Variants in ZBTB7C observed in about 807,000 individuals in gnomAD.
The protein encoded by ZBTB7C is zinc finger and BTB domain containing 7C.
ZBTB7C carries 8 observed loss-of-function variants against 25.7 expected under a neutral mutation model. The observed-to-expected ratio is 0.31, with a 90% CI of 0.18 to 0.56. ZBTB7C has a LOEUF of 0.56. Among genes scored for constraint, ZBTB7C ranks in the 20% least tolerant of loss-of-function variants. The pLI is 0.91. For synonymous variants in ZBTB7C, 394 were observed against 369.0 expected (o/e 1.07, Z -0.78); for missense variants, 824 against 855.2 (o/e 0.96, Z 0.46).
chr18:48,272,025 C>A (rs532916480), intron 2 of ZBTB7C, among the ~76,000 whole-genome samples: 57 of 152,322 alleles, frequency 3.7e-4, no homozygotes, highest in African/African-American at 1.3e-3. Flanking sequence ...TCATTAGTTG[C>A]AAATGATATC....
chr18:48,183,644 C>T (rs1404409349), intron 3 of ZBTB7C, among the ~76,000 whole-genome samples: 2 of 152,310 alleles, frequency 1.3e-5, no homozygotes, highest in Non-Finnish European at 2.9e-5. Context: ...AGAATAAAAG[C>T]AATTGATGCC....
intron 2 of ZBTB7C, among the ~76,000 whole-genome samples, chr18:48,313,032 C>G (rs1165036146): frequency 6.6e-6 from 1 of 152,090 alleles, no homozygotes; most frequent in African/African-American, 2.4e-5. Context: ...GATTATGGAC[C>G]CAAGAAGCTC....
intron 3 of ZBTB7C, among the ~76,000 whole-genome samples, chr18:48,162,825 GA>G: frequency 6.6e-6 from 1 of 152,350 alleles, no homozygotes. Context: ...CAGTAAATAA[GA>G]GACGCAGGAT....
At chr18:48,215,241 T>C (rs947416841) in intron 2 of ZBTB7C, among the ~76,000 whole-genome samples, 1 of 152,184 alleles carries the variant, frequency 6.6e-6, no homozygotes, top group Non-Finnish European at 1.5e-5. Context: ...CTCCTCTCCA[T>C]AGCATCCCCA....
intron 3 of ZBTB7C, among the ~76,000 whole-genome samples, chr18:48,173,517 C>G (rs191650534): frequency 6.6e-6 from 1 of 152,184 alleles, no homozygotes; most frequent in Non-Finnish European, 1.5e-5. Flanking sequence ...GCCTATGATA[C>G]GTCCCCCCTT....
At chr18:48,044,209 G>A (rs2036376775) in intron 3 of ZBTB7C, among the ~76,000 whole-genome samples, 1 of 152,174 alleles carries the variant, frequency 6.6e-6, no homozygotes, top group Admixed American at 6.5e-5. Context: ...CAGATCCCTC[G>A]AGGGCCTGTG....
At chr18:48,295,880 C>A (rs952132594) in intron 2 of ZBTB7C, among the ~76,000 whole-genome samples, 3 of 152,150 alleles carry the variant, frequency 2.0e-5, no homozygotes, top group African/African-American at 7.2e-5. Context: ...GGTGGGGGAC[C>A]CATCCCAAAG....
At chr18:48,191,499 C>G (rs2042193922) in intron 2 of ZBTB7C, among the ~76,000 whole-genome samples, 1 of 152,254 alleles carries the variant, frequency 6.6e-6, no homozygotes, top group Non-Finnish European at 1.5e-5. Context: ...CTGGGGCCAG[C>G]AAGGCTGGCT....
At chr18:48,287,788 T>G (rs1389564172) in intron 2 of ZBTB7C, among the ~76,000 whole-genome samples, 1 of 152,166 alleles carries the variant, frequency 6.6e-6, no homozygotes. Flanking sequence ...TTCACCACCA[T>G]AAAGAATTAA....
intron 3 of ZBTB7C, chr18:48,165,241 G>T: frequency 1.7e-6 from 1 of 595,618 alleles, no homozygotes; most frequent in Non-Finnish European, 2.8e-6. Context: ...TTGGCCCACA[G>T]CTTAGAGCAG....
At chr18:48,363,400 C>A (rs944884092) in intron 1 of ZBTB7C, among the ~76,000 whole-genome samples, 3 of 152,134 alleles carry the variant, frequency 2.0e-5, no homozygotes, top group Non-Finnish European at 4.4e-5. Flanking sequence ...CCCCAGCCCC[C>A]ACCCACCTAG....
At chr18:48,329,647 C>A (rs2046300821) in intron 2 of ZBTB7C, among the ~76,000 whole-genome samples, 1 of 152,180 alleles carries the variant, frequency 6.6e-6, no homozygotes, top group African/African-American at 2.4e-5. Context: ...CATATGAATA[C>A]ACATATGTGC....
intron 3 of ZBTB7C, among the ~76,000 whole-genome samples, chr18:48,066,575 A>C (rs2037338138): frequency 6.6e-6 from 1 of 152,166 alleles, no homozygotes; most frequent in Non-Finnish European, 1.5e-5. Context: ...AAATCCAGGG[A>C]GTTGGCAGCC....
intron 1 of ZBTB7C, among the ~76,000 whole-genome samples, chr18:48,384,880 C>T (rs139827561): frequency 6.6e-6 from 1 of 152,226 alleles, no homozygotes; most frequent in Non-Finnish European, 1.5e-5. Flanking sequence ...CGAGGCTTCA[C>T]CACCTTGGCC....
At chr18:48,253,276 C>A (rs1034489715) in intron 2 of ZBTB7C, among the ~76,000 whole-genome samples, 2 of 151,934 alleles carry the variant, frequency 1.3e-5, no homozygotes, top group Non-Finnish European at 2.9e-5. Flanking sequence ...AAAATAAATA[C>A]CTTTAAAAAT....
At chr18:48,288,824 G>A (rs916430908) in intron 2 of ZBTB7C, among the ~76,000 whole-genome samples, 2 of 152,176 alleles carry the variant, frequency 1.3e-5, no homozygotes, top group African/African-American at 2.4e-5. Flanking sequence ...CTCCAGAAGT[G>A]TGAGAAATAA....
rs933818369 is a variant in ZBTB7C at position 48,041,431 on chromosome 18, T to G, written c.-16-308A>C. The G allele has an allele frequency of 2.9e-5, 29 of 985,330 alleles. No individual in the cohort carries two copies. In the African/African-American group the frequency reaches 4.4e-4, roughly 15 times the overall value. The allele number at this position is 985,330 out of a possible 1,614,324, so 61.0% of individuals were successfully genotyped here. On this transcript the variant is annotated intron_variant, in intron 3 of 4. Coordinates refer to ENST00000590800, the MANE Select transcript of ZBTB7C (RefSeq NM_001318841.2). ...GTTACTGATTTCCACTTTGCCAACA[T>G]GCAGTTGCAGAATACAACTGCAGGA...
chr18:48,399,859 T>C (rs200146614), intron 1 of ZBTB7C, among the ~76,000 whole-genome samples: 1 of 152,056 alleles, frequency 6.6e-6, no homozygotes, highest in Non-Finnish European at 1.5e-5. Flanking sequence ...TAAAATACAT[T>C]TGGGGACACA....
At chr18:48,068,018 C>T (rs1021190369) in intron 3 of ZBTB7C, among the ~76,000 whole-genome samples, 2 of 152,070 alleles carry the variant, frequency 1.3e-5, no homozygotes, top group Non-Finnish European at 2.9e-5. Flanking sequence ...ATCAATCAAT[C>T]TCTCCCTCTC....
Sources: allele counts gnomAD v4.1 joint callset (sites outside exome capture counted in the v4.1 genomes callset), GRCh38; gene constraint gnomAD v4.1.1; transcripts MANE v1.5; gene names NCBI Gene and HGNC (gene_info 2026-07-23, HGNC 2026-07-21).